Variants in GOLPH3 observed in about 807,000 individuals in gnomAD.
GOLPH3 encodes the protein coat protein GPP34.
In GOLPH3, 14 loss-of-function variants were observed where a neutral mutation model predicts 28.5. The observed-to-expected ratio is 0.49, with a 90% CI of 0.32 to 0.77. The LOEUF (loss-of-function observed/expected upper bound fraction) is 0.77. Among genes scored for constraint, GOLPH3 ranks in the 30% least tolerant of loss-of-function variants. The pLI is 0.03. For missense variants in GOLPH3, 350 were observed against 393.7 expected (o/e 0.89, Z 0.94); for synonymous variants, 158 against 159.2 (o/e 0.99, Z 0.06).
At chr5:32,142,350 A>C (rs1366725767) in intron 2 of GOLPH3, among the ~76,000 whole-genome samples, 2 of 148,764 alleles carry the variant, frequency 1.3e-5, no homozygotes, top group Non-Finnish European at 3.0e-5. Context: ...CTGAGAAGTG[A>C]GGAGCCCCTC....
At chr5:32,138,685 A>G (rs1745992401) in intron 2 of GOLPH3, among the ~76,000 whole-genome samples, 1 of 152,240 alleles carries the variant, frequency 6.6e-6, no homozygotes, top group African/African-American at 2.4e-5. Flanking sequence ...ACTAAGACCA[A>G]AAATCCAGTG....
In GOLPH3 at chr5:32,126,247, C is replaced by A. The variant is rs1162517222; in HGVS notation, c.862G>T (p.Val288Phe). ...AACGCCGCCACCACCGCCCACAGAA[C>A]CTCATTGGTGTTGGCCTTCAGACAT... The part of the protein sequence containing the change: ...VECLKANTNE[V>F]LWAVVAAFTK Residue 288 changes from valine to phenylalanine, a missense_variant, in exon 4 of 4, where the codon GTT becomes TTT. Coordinates refer to ENST00000265070, the MANE Select transcript of GOLPH3 (RefSeq NM_022130.4). 1.9e-6 allele frequency: 3 copies of A among 1,613,656 alleles called. No individual in the cohort carries two copies. In the South Asian group the frequency reaches 3.3e-5, roughly 18 times the overall value.
At chr5:32,152,352 C>G (rs1321930774) in intron 1 of GOLPH3, among the ~76,000 whole-genome samples, 2 of 150,632 alleles carry the variant, frequency 1.3e-5, no homozygotes, top group Non-Finnish European at 3.0e-5. Flanking sequence ...GTCTCGAACT[C>G]CTGACCGCGT....
At chr5:32,158,365 C>T (rs2111882548) in intron 1 of GOLPH3, among the ~76,000 whole-genome samples, 1 of 152,260 alleles carries the variant, frequency 6.6e-6, no homozygotes, top group Admixed American at 6.5e-5. Context: ...CTGCCTAAAG[C>T]TAATCCTACC....
At chr5:32,156,665 G>A (rs553849616) in intron 1 of GOLPH3, among the ~76,000 whole-genome samples, 31 of 152,222 alleles carry the variant, frequency 2.0e-4, no homozygotes, top group Non-Finnish European at 1.6e-4. Flanking sequence ...AGATCCTATC[G>A]GGCATTAGTT....
At chr5:32,132,306 G>T (rs1408795954) in intron 3 of GOLPH3, among the ~76,000 whole-genome samples, 1 of 151,950 alleles carries the variant, frequency 6.6e-6, no homozygotes, top group Non-Finnish European at 1.5e-5. Flanking sequence ...TGAGCCCCTG[G>T]GTATCCTCCA....
intron 2 of GOLPH3, among the ~76,000 whole-genome samples, chr5:32,139,015 A>G (rs947141908): frequency 6.6e-6 from 1 of 152,234 alleles, no homozygotes; most frequent in African/African-American, 2.4e-5. Flanking sequence ...TCGCCCACGC[A>G]CATCCGTTTG....
In GOLPH3 at chr5:32,126,189, A is replaced by T. The variant is rs1581533817; in HGVS notation, c.*23T>A. The T allele has an allele frequency of 6.3e-7, 1 of 1,585,122 alleles. No individual in the cohort carries two copies. Among genetic ancestry groups the T allele is most frequent in the East Asian group, 2.3e-5 (1 of 44,398 alleles). On this transcript the variant is annotated 3_prime_UTR_variant, in exon 4 of 4. Coordinates refer to ENST00000265070, the MANE Select transcript of GOLPH3 (RefSeq NM_022130.4). Reference sequence around the variant, plus strand: ...ACTACTGGTTTACTTGAGAGAAAGGAGAATGGTTCACCCCGAGCAGAGTTA... The same window carrying T: ...ACTACTGGTTTACTTGAGAGAAAGGTGAATGGTTCACCCCGAGCAGAGTTA...
intron 2 of GOLPH3, among the ~76,000 whole-genome samples, chr5:32,136,766 A>C (rs1413685050): frequency 6.6e-6 from 1 of 152,230 alleles, no homozygotes; most frequent in East Asian, 1.9e-4. Context: ...GGAATGCTTA[A>C]GTATAATACA....
intron 3 of GOLPH3, among the ~76,000 whole-genome samples, chr5:32,127,934 GT>G (rs1475827811): frequency 6.6e-6 from 1 of 152,014 alleles, no homozygotes; most frequent in Non-Finnish European, 1.5e-5. Context: ...CTAGAGGCAC[GT>G]CCCAGGCAGC....
intron 1 of GOLPH3, among the ~76,000 whole-genome samples, chr5:32,157,889 A>C (rs1746465745): frequency 6.6e-6 from 1 of 151,848 alleles, no homozygotes; most frequent in Non-Finnish European, 1.5e-5. Flanking sequence ...AGGCAGAAGA[A>C]TCGCTTGAAC....
chr5:32,164,418 G>T (rs1198975242), intron 1 of GOLPH3, among the ~76,000 whole-genome samples: 2 of 151,092 alleles, frequency 1.3e-5, no homozygotes, highest in African/African-American at 4.9e-5. Context: ...TTTTGAGACG[G>T]AGTCTCACTC....
intron 1 of GOLPH3, among the ~76,000 whole-genome samples, chr5:32,159,630 T>C (rs1257173921): frequency 6.6e-6 from 1 of 152,234 alleles, no homozygotes; most frequent in Non-Finnish European, 1.5e-5. Context: ...AACAGCATCT[T>C]GTTAGTAAGA....
At chr5:32,148,297 G>A (rs1409038348) in intron 1 of GOLPH3, among the ~76,000 whole-genome samples, 1 of 152,286 alleles carries the variant, frequency 6.6e-6, no homozygotes, top group Non-Finnish European at 1.5e-5. Context: ...TGGCAAACCA[G>A]TTTGCAACCG....
Position 32,126,019 on chromosome 5 carries a change from A to C in GOLPH3, c.*193T>G, listed in dbSNP as rs1383220411. Reference sequence around the variant, plus strand: ...AATATGGCAGTAAAACTTTTTTTAAAAACAGAAAGAGGAAGGCCTCTCGTA... The same window carrying C: ...AATATGGCAGTAAAACTTTTTTTAACAACAGAAAGAGGAAGGCCTCTCGTA... On this transcript the variant is annotated 3_prime_UTR_variant, in exon 4 of 4. Coordinates refer to ENST00000265070, the MANE Select transcript of GOLPH3 (RefSeq NM_022130.4). 3 of 532,016 alleles carry C rather than the reference A, an allele frequency of 5.6e-6. No individual in the cohort carries two copies. The highest frequency in any genetic ancestry group is 9.7e-6 in the Non-Finnish European group (3 of 310,742). 33.0% of individuals were successfully genotyped at this position (532,016 alleles called of 1,614,324 possible). A position where few individuals can be genotyped will look rare whatever the true frequency, so the allele number is the denominator to read the frequency against.
intron 1 of GOLPH3, among the ~76,000 whole-genome samples, chr5:32,158,578 C>A (rs1746507080): frequency 6.6e-6 from 1 of 152,048 alleles, no homozygotes; most frequent in Non-Finnish European, 1.5e-5. Flanking sequence ...TCCATCTCCA[C>A]TACTCCTCAC....
At chr5:32,170,196 T>C (rs539749432) in intron 1 of GOLPH3, among the ~76,000 whole-genome samples, 37 of 152,296 alleles carry the variant, frequency 2.4e-4, no homozygotes, top group African/African-American at 7.9e-4. Context: ...GAATCTCACA[T>C]TGAACAAAAA....
Position 32,135,679 on chromosome 5 carries a change from C to T in GOLPH3, c.365G>A (p.Cys122Tyr). ...RKSLLTRKVI[C>Y]KSDAPTGDVL... is the part of the protein sequence containing the mutation. Reference sequence around the variant, plus strand: ...ATCCCCTGTTGGAGCATCTGACTTACAGATTACCTAAAAAGAAAGCAAAAA... The same window carrying T: ...ATCCCCTGTTGGAGCATCTGACTTATAGATTACCTAAAAAGAAAGCAAAAA... The change falls in exon 3 of 4, where the codon TGT (cysteine) becomes TAT (tyrosine). Residue 122 changes from cysteine (C) to tyrosine (Y), a missense_variant. Physicochemically the swap from Cys to Tyr is radical, Grantham distance 194 (BLOSUM62 -2). Transcript: ENST00000265070. 1 of 1,602,968 alleles carries T rather than the reference C, an allele frequency of 6.2e-7. No individual in the cohort carries two copies. Among genetic ancestry groups the T allele is most frequent in the African/African-American group, 1.3e-5 (1 of 74,738 alleles).
At chr5:32,164,051 CAATAAA>C (rs1398989145) in intron 1 of GOLPH3, among the ~76,000 whole-genome samples, 5 of 152,158 alleles carry the variant, frequency 3.3e-5, no homozygotes, top group Non-Finnish European at 7.3e-5. Flanking sequence ...TATATATTAT[CAATAAA>C]AATAACTTTT....
Sources: gnomAD v4.1 joint callset for allele counts (sites outside exome capture counted in the v4.1 genomes callset) on GRCh38, gnomAD v4.1.1 for gene constraint, MANE v1.5 for transcripts, NCBI Gene and HGNC (gene_info 2026-07-23, HGNC 2026-07-21) for gene names.